SPTBN1: variants seen among roughly 807,000 people sequenced by gnomAD.
SPTBN1 encodes spectrin beta, non-erythrocytic 1.
SPTBN1 carries 32 observed loss-of-function variants against 266.4 expected under a neutral mutation model. The observed-to-expected ratio is 0.12, with a 90% CI of 0.09 to 0.16. SPTBN1 has a LOEUF of 0.16. Ranked by LOEUF, SPTBN1 falls within the 10% of genes least tolerant of loss-of-function variation. SPTBN1 has a pLI of 1.00. For synonymous variants in SPTBN1, 1,336 were observed against 1,162.2 expected (o/e 1.15, Z -3.04); for missense variants, 2,296 against 3,067.1 (o/e 0.75, Z 5.94).
At chr2:54,491,216 G>T (rs534502086) in intron 1 of SPTBN1, among the ~76,000 whole-genome samples, 2 of 152,308 alleles carry the variant, frequency 1.3e-5, no homozygotes, top group East Asian at 3.9e-4. Flanking sequence ...CCGACAGGAA[G>T]ATTCCCCTGG....
intron 1 of SPTBN1, among the ~76,000 whole-genome samples, chr2:54,522,701 AAG>A (rs1196501016): frequency 1.4e-5 from 1 of 70,144 alleles, no homozygotes; most frequent in Admixed American, 1.5e-4. Context: ...GAGAGAGAGA[AAG>A]AAAGAAAGGA....
chr2:54,558,755 C>G lies in SPTBN1; in HGVS notation c.148+32189C>G, dbSNP rs750066934. 8 of 1,608,326 alleles carry G rather than the reference C, an allele frequency of 5.0e-6. No individual in the cohort carries two copies. Among genetic ancestry groups the G allele is most frequent in the Admixed American group, 1.7e-5 (1 of 59,540 alleles). On this transcript the variant is annotated intron_variant, in intron 2 of 35. Coordinates refer to ENST00000356805, the MANE Select transcript of SPTBN1 (RefSeq NM_003128.3). This position sits in a 1 kb window ranked among gnomAD's most constrained non-coding sequence, Gnocchi z 4.6. Reference sequence around the variant, plus strand: ...GGAGCGAGATTTCCAGGGCGCAGTCCTCCGGGGCGTTACGCCGGGCATAAT... The same window carrying G: ...GGAGCGAGATTTCCAGGGCGCAGTCGTCCGGGGCGTTACGCCGGGCATAAT...
At position 54,629,159 on chromosome 2, in the gene SPTBN1, C is replaced by T. The variant is rs1449616611; in HGVS notation, c.2025C>T (p.Arg675=). Residue 675 remains arginine (R), a synonymous_variant, in exon 14 of 36, where the codon CGC becomes CGT. Transcript: ENST00000356805. The part of the protein sequence containing the change: ...DYGKDLTSVM[R]LLSKHRAFED... Reference sequence around the variant, plus strand: ...GGAAAGACCTGACCAGCGTCATGCGCCTGCTCAGCAAGCACCGGGCGTTCG... The same window carrying T: ...GGAAAGACCTGACCAGCGTCATGCGTCTGCTCAGCAAGCACCGGGCGTTCG... The T allele has an allele frequency of 1.2e-6, 2 of 1,613,574 alleles. No individual in the cohort carries two copies. Among genetic ancestry groups the T allele is most frequent in the East Asian group, 2.2e-5 (1 of 44,882 alleles).
chr2:54,575,515 C>T (rs556473451), intron 2 of SPTBN1, among the ~76,000 whole-genome samples: 6 of 152,266 alleles, frequency 3.9e-5, no homozygotes, highest in East Asian at 3.9e-4. Flanking sequence ...CTTGTGGATA[C>T]GGTATTTGGT....
At chr2:54,642,831 C>A in intron 18 of SPTBN1, 152 bp from the exon 19 acceptor site, 2 of 883,306 alleles carry the variant, frequency 2.3e-6, no homozygotes, top group Non-Finnish European at 3.4e-6. Flanking sequence ...CCTGTCATGA[C>A]GGGTCAGAGT....
rs1679940213 is a variant in SPTBN1 at position 54,646,569 on chromosome 2, T to G, written c.4866+94T>G. 1 of 1,375,522 alleles carries G rather than the reference T, an allele frequency of 7.3e-7. No individual in the cohort carries two copies. The highest frequency in any genetic ancestry group is 9.5e-7 in the Non-Finnish European group (1 of 1,053,588). 85.2% of individuals were successfully genotyped at this position (1,375,522 alleles called of 1,614,324 possible). ...CTGGCGGCTCTGTCTGTATAAAAAC[T>G]TCCCTTGTAGCCTTTGAGTGTTAAG... is the stretch of plus-strand genomic sequence containing the variant. On this transcript the variant is annotated intron_variant, in intron 23 of 35. Coordinates refer to ENST00000356805, the MANE Select transcript of SPTBN1 (RefSeq NM_003128.3). The surrounding 1 kb of genome is among the most constrained non-coding windows in gnomAD (Gnocchi z 4.4).
chr2:54,532,800 A>G (rs965962285), intron 2 of SPTBN1, among the ~76,000 whole-genome samples: 1 of 152,202 alleles, frequency 6.6e-6, no homozygotes, highest in Non-Finnish European at 1.5e-5. Context: ...ACAATTTTTT[A>G]AAGACTACGT....
At position 54,558,373 on chromosome 2, in the gene SPTBN1, C is replaced by T. The variant is rs1673023286; in HGVS notation, c.148+31807C>T. On this transcript the variant is annotated intron_variant, in intron 2 of 35. Coordinates refer to ENST00000356805, the MANE Select transcript of SPTBN1 (RefSeq NM_003128.3). The surrounding 1 kb of genome is among the most constrained non-coding windows in gnomAD (Gnocchi z 4.6). ...CCTGATAAAATTACAAACCGGCGGC[C>T]GCCGCGGGCAGCTGGGAGGAGGTGT... 1 of 1,001,028 alleles carries T rather than the reference C, an allele frequency of 1.0e-6. No homozygotes were observed. Among genetic ancestry groups the T allele is most frequent in the Non-Finnish European group, 1.2e-6 (1 of 840,298 alleles). The allele number at this position is 1,001,028 out of a possible 1,614,324, so 62.0% of individuals were successfully genotyped here.
rs1439635388 is a variant in SPTBN1 at position 54,647,221 on chromosome 2, A to C, written c.4957A>C (p.Lys1653Gln). 6.2e-7 allele frequency: 1 copy of C among 1,614,130 alleles called. No homozygotes were observed. The highest frequency in any genetic ancestry group is 1.7e-5 in the Admixed American group (1 of 60,022). ...DYAETVHQLS[K>Q]TSRALVADSH... ...TGCAGAGACCGTGCATCAGCTCTCC[A>C]AGACCAGCCGGGCCCTGGTGGCCGA... Residue 1653 changes from lysine (K) to glutamine (Q), a missense_variant, in exon 24 of 36, where the codon AAG (lysine) becomes CAG (glutamine). This residue lies in a region of SPTBN1 where 644 missense variants were observed against 745.3 expected (regional missense o/e 0.86). Coordinates refer to ENST00000356805, the MANE Select transcript of SPTBN1 (RefSeq NM_003128.3).
intron 4 of SPTBN1, among the ~76,000 whole-genome samples, chr2:54,613,048 C>T (rs780315258): frequency 9.9e-5 from 15 of 152,186 alleles, no homozygotes; most frequent in Non-Finnish European, 1.5e-4. Context: ...CACAGCCAGC[C>T]AGGGCTATAG....
At position 54,653,656 on chromosome 2, in the gene SPTBN1, G is replaced by A. The variant is rs745480606; in HGVS notation, c.5625G>A (p.Ala1875=). The change falls in exon 27 of 36, where the codon GCG becomes GCA. Residue 1875 remains alanine, a synonymous_variant. Coordinates refer to ENST00000356805, the MANE Select transcript of SPTBN1 (RefSeq NM_003128.3). The surrounding 1 kb of genome is among the most constrained non-coding windows in gnomAD (Gnocchi z 5.1). ...CAGCCCGCCTCCAGGCGGCCTATGCGGGTGACAAGGCCGACGATATCCAGA... is the reference window on the plus strand; with the variant it reads ...CAGCCCGCCTCCAGGCGGCCTATGCAGGTGACAAGGCCGACGATATCCAGA... ...EDAARLQAAY[A]GDKADDIQKR... 1.3e-5 allele frequency: 21 copies of A among 1,613,998 alleles called. No individual in the cohort carries two copies. The highest frequency in any genetic ancestry group is 5.0e-5 in the Admixed American group (3 of 59,992).
intron 2 of SPTBN1, among the ~76,000 whole-genome samples, chr2:54,550,180 A>G (rs1672487475): frequency 1.3e-5 from 2 of 152,166 alleles, no homozygotes; most frequent in African/African-American, 4.8e-5. Flanking sequence ...TATAGTATTT[A>G]TTTTACAGTA....
In SPTBN1 at chr2:54,644,537, A is replaced by G. The variant is rs757871617; in HGVS notation, c.4220A>G (p.Asp1407Gly). The part of the protein sequence containing the change: ...HGLESQIQSD[D>G]YGKDLTSVNI... Reference sequence around the variant, plus strand: ...CTGGAGAGTCAGATTCAGTCTGATGACTATGGCAAAGACCTGACCAGTGTC... The same window carrying G: ...CTGGAGAGTCAGATTCAGTCTGATGGCTATGGCAAAGACCTGACCAGTGTC... The change falls in exon 20 of 36, where the codon GAC (aspartate) becomes GGC (glycine). Residue 1407 changes from aspartate (D) to glycine (G), a missense_variant. This residue lies in a region of SPTBN1 where 386 missense variants were observed against 486.1 expected (regional missense o/e 0.79). Coordinates refer to ENST00000356805, the MANE Select transcript of SPTBN1 (RefSeq NM_003128.3). 1.2e-6 allele frequency: 2 copies of G among 1,613,826 alleles called. No homozygotes were observed. Among genetic ancestry groups the G allele is most frequent in the South Asian group, 2.2e-5 (2 of 91,076 alleles).
chr2:54,471,012 C>T (rs773863370), intron 1 of SPTBN1, among the ~76,000 whole-genome samples: 1 of 152,202 alleles, frequency 6.6e-6, no homozygotes, highest in Non-Finnish European at 1.5e-5. Context: ...TAGCCCAAGA[C>T]ACTTCTTCTT....
chr2:54,622,554 A>G (rs745510190), intron 9 of SPTBN1, 67 bp downstream of exon 9: 25 of 1,546,096 alleles, frequency 1.6e-5, no homozygotes, highest in African/African-American at 5.5e-5. Flanking sequence ...ACAGATCCCT[A>G]TGTTCTGATT....
At chr2:54,521,914 T>C (rs1670466177) in intron 1 of SPTBN1, among the ~76,000 whole-genome samples, 1 of 152,220 alleles carries the variant, frequency 6.6e-6, no homozygotes, top group Admixed American at 6.5e-5. Flanking sequence ...TTTTTTTCTT[T>C]TGAGACAGAG....
intron 2 of SPTBN1, among the ~76,000 whole-genome samples, chr2:54,576,089 G>T (rs1674457019): frequency 2.5e-5 from 2 of 78,776 alleles, no homozygotes; most frequent in Middle Eastern, 0.011. Flanking sequence ...CAGTCTGGCT[G>T]TGTCTCCCAG....
intron 2 of SPTBN1, among the ~76,000 whole-genome samples, chr2:54,587,639 T>C (rs1031156924): frequency 1.3e-5 from 2 of 152,142 alleles, no homozygotes; most frequent in African/African-American, 4.8e-5. Flanking sequence ...AAATAAGAGC[T>C]GAAGAGCCTT....
chr2:54,478,914 G>GTATA (rs5831305), intron 1 of SPTBN1, among the ~76,000 whole-genome samples: 33 of 151,272 alleles, frequency 2.2e-4, no homozygotes, highest in South Asian at 1.7e-3. Context: ...ATATATATGT[G>GTATA]TATATATATA....
Sources: gnomAD v4.1 joint callset for allele counts (sites outside exome capture counted in the v4.1 genomes callset) on GRCh38, gnomAD v4.1.1 for gene constraint, gnomAD v4.1.1 regional missense constraint, Gnocchi (gnomAD v3.1) non-coding constraint, MANE v1.5 for transcripts, NCBI Gene and HGNC (gene_info 2026-07-23, HGNC 2026-07-21) for gene names.